NAV2: variants seen among roughly 807,000 people sequenced by gnomAD.
The protein encoded by NAV2 is neuron navigator 2.
In NAV2, 54 loss-of-function variants were observed where a neutral mutation model predicts 223.2. The observed-to-expected ratio is 0.24, with a 90% CI of 0.19 to 0.30. The LOEUF is 0.30. NAV2 is among the 10% of genes least tolerant of loss of function. The pLI is 1.00. For synonymous variants in NAV2, 1,279 were observed against 1,239.3 expected, an observed-to-expected ratio of 1.03 and a Z score of -0.67; for missense variants, 2,806 against 3,147.5, an observed-to-expected ratio of 0.89 and a Z score of 2.60.
At chr11:19,706,139 T>A (rs2049655660) in intron 1 of NAV2, among the ~76,000 whole-genome samples, 1 of 152,332 alleles carries the variant, frequency 6.6e-6, no homozygotes, top group South Asian at 2.1e-4. Flanking sequence ...TTACACAGCC[T>A]TCTCCCACCT....
chr11:19,868,610 C>T (rs755077890), intron 3 of NAV2, among the ~76,000 whole-genome samples: 15 of 152,184 alleles, frequency 9.9e-5, no homozygotes, highest in Non-Finnish European at 2.1e-4. Context: ...CCTTTCCCCA[C>T]CTCCATTTTT....
chr11:20,017,421 C>G (rs1406112847), intron 11 of NAV2, among the ~76,000 whole-genome samples: 1 of 152,132 alleles, frequency 6.6e-6, no homozygotes, highest in Non-Finnish European at 1.5e-5. Context: ...TCTCATCTTT[C>G]ATGTCTTCCT....
chr11:19,916,594 T>G (rs539682457), intron 6 of NAV2, among the ~76,000 whole-genome samples: 2 of 152,350 alleles, frequency 1.3e-5, no homozygotes, highest in South Asian at 4.1e-4. Context: ...TCAAACAACA[T>G]TTATTCTGTA....
intron 1 of NAV2, among the ~76,000 whole-genome samples, chr11:19,428,589 C>T (rs1017662164): frequency 3.3e-5 from 5 of 152,218 alleles, no homozygotes; most frequent in African/African-American, 1.2e-4. Context: ...TTTGAGATCA[C>T]TGGTCAATGG....
intron 1 of NAV2, among the ~76,000 whole-genome samples, chr11:19,494,984 C>T (rs1056541034): frequency 2.0e-5 from 3 of 152,216 alleles, no homozygotes; most frequent in Non-Finnish European, 4.4e-5. Flanking sequence ...GAGGAGAATC[C>T]TGGTGGGCAC....
intron 1 of NAV2, among the ~76,000 whole-genome samples, chr11:19,519,516 C>A (rs1310715476): frequency 6.6e-6 from 1 of 152,190 alleles, no homozygotes; most frequent in African/African-American, 2.4e-5. Context: ...AGGGTTTGAA[C>A]CCTGATGATG....
intron 1 of NAV2, chr11:19,777,342 C>G: frequency 7.4e-6 from 2 of 270,486 alleles, no homozygotes; most frequent in South Asian, 7.0e-5. Context: ...GGAGGGGCCG[C>G]GGCCGAGAGG....
At chr11:19,686,524 C>A (rs902451040) in intron 1 of NAV2, among the ~76,000 whole-genome samples, 4 of 152,202 alleles carry the variant, frequency 2.6e-5, no homozygotes, top group Admixed American at 6.5e-5. Context: ...CCTGGGGATT[C>A]ACCTTATCAG....
intron 8 of NAV2, among the ~76,000 whole-genome samples, chr11:19,940,780 G>A (rs1004455293): frequency 9.2e-5 from 14 of 152,322 alleles, no homozygotes; most frequent in South Asian, 2.1e-4. Flanking sequence ...GCCTGGGCAC[G>A]GTGATGGTGC....
chr11:19,636,760 G>T (rs571069174), intron 1 of NAV2, among the ~76,000 whole-genome samples: 1 of 152,126 alleles, frequency 6.6e-6, no homozygotes, highest in Admixed American at 6.5e-5. Context: ...GTGAGCCACC[G>T]CACCCGGCCG....
chr11:19,481,031 G>A (rs369422368), intron 1 of NAV2, among the ~76,000 whole-genome samples: 9 of 152,192 alleles, frequency 5.9e-5, no homozygotes, highest in South Asian at 2.1e-4. Context: ...ATAAGGATCC[G>A]TAGCACCTGC....
upstream of NAV2, among the ~76,000 whole-genome samples, chr11:19,710,438 C>G (rs145535935): frequency 7.0e-4 from 107 of 152,344 alleles, no homozygotes; most frequent in African/African-American, 2.3e-3. Context: ...TCTGGAGATG[C>G]ACTGAATGCA....
intron 19 of NAV2, among the ~76,000 whole-genome samples, chr11:20,060,054 G>C (rs2058606662): frequency 6.6e-6 from 1 of 152,210 alleles, no homozygotes; most frequent in South Asian, 2.1e-4. Flanking sequence ...TAATTATTGA[G>C]AAAAATAATT....
chr11:19,940,511 G>C (rs574755734), intron 8 of NAV2, among the ~76,000 whole-genome samples: 1 of 152,272 alleles, frequency 6.6e-6, no homozygotes, highest in East Asian at 1.9e-4. Flanking sequence ...CCAAGCTCCA[G>C]CAGCTTCTAG....
At chr11:20,047,067 AT>A (rs1289261200) in intron 14 of NAV2, among the ~76,000 whole-genome samples, 4 of 151,622 alleles carry the variant, frequency 2.6e-5, no homozygotes, top group African/African-American at 4.9e-5. Flanking sequence ...TTCAGTAACG[AT>A]TTTTTTTTCC....
chr11:19,952,247 A>C (rs1485284755), intron 10 of NAV2, among the ~76,000 whole-genome samples: 1 of 152,236 alleles, frequency 6.6e-6, no homozygotes, highest in Non-Finnish European at 1.5e-5. Flanking sequence ...GTGAAAGGGA[A>C]ATAGACTGGG....
chr11:19,929,750 A>G (rs2045144176), intron 6 of NAV2, among the ~76,000 whole-genome samples: 1 of 152,204 alleles, frequency 6.6e-6, no homozygotes, highest in Admixed American at 6.5e-5. Context: ...GCAAATGTCA[A>G]AATTACCCAC....
chr11:19,650,940 C>T (rs570656329), intron 1 of NAV2, among the ~76,000 whole-genome samples: 7 of 152,194 alleles, frequency 4.6e-5, no homozygotes, highest in African/African-American at 1.2e-4. Context: ...TATCTGAGTG[C>T]GCTGGTGGTT....
intron 6 of NAV2, among the ~76,000 whole-genome samples, chr11:19,914,864 G>A (rs976984853): frequency 6.6e-6 from 1 of 152,182 alleles, no homozygotes; most frequent in African/African-American, 2.4e-5. Context: ...GTTCTTAAAA[G>A]TTCTTCAGCT....
Sources: allele counts gnomAD v4.1 joint callset (sites outside exome capture counted in the v4.1 genomes callset), GRCh38; gene constraint gnomAD v4.1.1; transcripts MANE v1.5; gene names NCBI Gene and HGNC (gene_info 2026-07-23, HGNC 2026-07-21).